The following EYS variants were observed in gnomAD, a reference collection of about 807,000 sequenced individuals.
EYS encodes protein eyes shut homolog.
EYS carries 250 observed loss-of-function variants against 282.1 expected under a neutral mutation model. The observed-to-expected ratio is 0.89, with a 90% CI of 0.80 to 0.98. The LOEUF is 0.98. EYS is among the 50% of genes least tolerant of loss of function. The pLI is 0.00. For missense variants in EYS, 4,016 were observed against 3,709.0 expected, an observed-to-expected ratio of 1.08 and a Z score of -2.15; for synonymous variants, 1,355 against 1,282.9, an observed-to-expected ratio of 1.06 and a Z score of -1.20.
intron 21 of EYS, among the ~76,000 whole-genome samples, chr6:64,819,550 A>G (rs1440671586): frequency 2.0e-5 from 3 of 152,060 alleles, no homozygotes; most frequent in East Asian, 1.9e-4. Context: ...TATACTTAAA[A>G]GAAACCATTA....
intron 15 of EYS, among the ~76,000 whole-genome samples, chr6:64,922,519 C>T (rs1768379949): frequency 6.6e-6 from 1 of 151,960 alleles, no homozygotes; most frequent in Non-Finnish European, 1.5e-5. Context: ...ATAAATATTA[C>T]TATACAACAA....
intron 10 of EYS, among the ~76,000 whole-genome samples, chr6:65,337,125 T>C (rs549633324): frequency 6.6e-6 from 1 of 151,626 alleles, no homozygotes; most frequent in South Asian, 2.1e-4. Flanking sequence ...TTCATAGAGA[T>C]TCACTCTCTG....
At chr6:64,711,272 T>C (rs1164641218) in intron 22 of EYS, among the ~76,000 whole-genome samples, 1 of 152,224 alleles carries the variant, frequency 6.6e-6, no homozygotes. Flanking sequence ...TGCTTGTTTT[T>C]AGAAAATAGA....
chr6:63,960,343 C>T (rs1297564100), intron 35 of EYS, among the ~76,000 whole-genome samples: 1 of 152,158 alleles, frequency 6.6e-6, no homozygotes, highest in East Asian at 1.9e-4. Flanking sequence ...GCTATTATCT[C>T]ATGATCAAAC....
chr6:64,817,539 G>A (rs753094499), intron 21 of EYS, among the ~76,000 whole-genome samples: 8 of 152,166 alleles, frequency 5.3e-5, no homozygotes, highest in African/African-American at 1.4e-4. Context: ...CTTGTTACAC[G>A]GGTGTATTGC....
chr6:64,472,493 A>G (rs1776149869), intron 26 of EYS, among the ~76,000 whole-genome samples: 1 of 152,200 alleles, frequency 6.6e-6, no homozygotes. Context: ...GACTTGAAAG[A>G]TACATATTTG....
At chr6:65,216,045 A>ACTAT (rs1554167626) in intron 12 of EYS, among the ~76,000 whole-genome samples, 7 of 151,774 alleles carry the variant, frequency 4.6e-5, no homozygotes, top group African/African-American at 1.7e-4. Context: ...GTAAGTCTTC[A>ACTAT]CAGTGTTCTT....
chr6:65,662,160 T>C (rs1768030343), intron 1 of EYS, among the ~76,000 whole-genome samples: 2 of 152,140 alleles, frequency 1.3e-5, no homozygotes, highest in African/African-American at 4.8e-5. Flanking sequence ...ATAAATTATT[T>C]GCAACCTATC....
At chr6:64,327,568 C>T (rs1770474962) in intron 29 of EYS, among the ~76,000 whole-genome samples, 2 of 151,930 alleles carry the variant, frequency 1.3e-5, no homozygotes, top group Admixed American at 1.3e-4. Flanking sequence ...GCCTGGGCAC[C>T]CAGATCAGTT....
At chr6:65,604,842 C>CTTT (rs10583844) in intron 2 of EYS, among the ~76,000 whole-genome samples, 22 of 130,400 alleles carry the variant, frequency 1.7e-4, no homozygotes, top group African/African-American at 5.0e-4. Context: ...TCACTGCCCC[C>CTTT]TTTTTTTTTT....
intron 33 of EYS, among the ~76,000 whole-genome samples, chr6:64,027,839 T>A (rs1462200678): frequency 6.6e-6 from 1 of 152,114 alleles, no homozygotes; most frequent in Admixed American, 6.5e-5. Flanking sequence ...AAGCGCCAGC[T>A]CATGTCATCA....
At chr6:64,831,382 A>G (rs1765210878) in intron 19 of EYS, among the ~76,000 whole-genome samples, 1 of 151,994 alleles carries the variant, frequency 6.6e-6, no homozygotes, top group African/African-American at 2.4e-5. Context: ...ATCATTTGCT[A>G]ATATTTTCAT....
intron 28 of EYS, among the ~76,000 whole-genome samples, chr6:64,420,846 G>C (rs1248349656): frequency 6.6e-6 from 1 of 152,110 alleles, no homozygotes; most frequent in Non-Finnish European, 1.5e-5. Flanking sequence ...CCTCAGCCTG[G>C]ACTTCCTTGT....
At chr6:65,289,492 G>A (rs1342193147) in intron 12 of EYS, among the ~76,000 whole-genome samples, 2 of 151,046 alleles carry the variant, frequency 1.3e-5, no homozygotes, top group Admixed American at 6.6e-5. Flanking sequence ...TATATTTGAG[G>A]TGGCATCAAA....
At chr6:65,281,367 T>C (rs1016784280) in intron 12 of EYS, among the ~76,000 whole-genome samples, 4 of 152,148 alleles carry the variant, frequency 2.6e-5, no homozygotes, top group African/African-American at 9.7e-5. Context: ...ACTAAAATAA[T>C]TTCCTTTTAT....
At chr6:63,756,747 T>A (rs1769495242) in intron 41 of EYS, among the ~76,000 whole-genome samples, 1 of 152,184 alleles carries the variant, frequency 6.6e-6, no homozygotes, top group Non-Finnish European at 1.5e-5. Flanking sequence ...AATATGGACA[T>A]CTATCAGTTC....
At chr6:65,620,143 T>A (rs187636239) in intron 2 of EYS, among the ~76,000 whole-genome samples, 2 of 152,192 alleles carry the variant, frequency 1.3e-5, no homozygotes, top group African/African-American at 2.4e-5. Context: ...CAGCTCCTCC[T>A]TGTACCTCTG....
chr6:64,544,729 A>G (rs1245181547), intron 26 of EYS, among the ~76,000 whole-genome samples: 1 of 152,226 alleles, frequency 6.6e-6, no homozygotes, highest in East Asian at 1.9e-4. Context: ...ACCGTCAGAG[A>G]ATACTATAAA....
intron 36 of EYS, among the ~76,000 whole-genome samples, chr6:63,809,836 G>T (rs1403894283): frequency 6.6e-6 from 1 of 151,586 alleles, no homozygotes; most frequent in East Asian, 1.9e-4. Context: ...TCACAGAAAG[G>T]GTATAAAATT....
Sources: allele counts gnomAD v4.1 joint callset (sites outside exome capture counted in the v4.1 genomes callset), GRCh38; gene constraint gnomAD v4.1.1; transcripts MANE v1.5; gene names NCBI Gene and HGNC (gene_info 2026-07-23, HGNC 2026-07-21).